The following FBXL17 variants were observed in gnomAD, a reference collection of about 807,000 sequenced individuals.
FBXL17 encodes the protein F-box/LRR-repeat protein 17.
In FBXL17, 22 loss-of-function variants were observed where a neutral mutation model predicts 66.2. The observed-to-expected ratio is 0.33, with a 90% CI of 0.24 to 0.47. The LOEUF is 0.47. FBXL17 is among the 20% of genes least tolerant of loss of function. FBXL17 has a pLI of 1.00. For synonymous variants in FBXL17, 474 were observed against 400.5 expected (o/e 1.18, Z -2.19); for missense variants, 878 against 948.2 (o/e 0.93, Z 0.97).
At chr5:107,924,240 C>T (rs1237316125) in intron 7 of FBXL17, among the ~76,000 whole-genome samples, 1 of 151,778 alleles carries the variant, frequency 6.6e-6, no homozygotes, top group African/African-American at 2.4e-5. Context: ...GCAGCCTTCA[C>T]CAAGAAATAC....
chr5:108,091,745 T>G (rs1235676267), intron 6 of FBXL17, among the ~76,000 whole-genome samples: 1 of 152,220 alleles, frequency 6.6e-6, no homozygotes, highest in Admixed American at 6.5e-5. Flanking sequence ...AATGAACTGC[T>G]GCTTACAGAA....
intron 6 of FBXL17, among the ~76,000 whole-genome samples, chr5:108,031,570 TGAC>T (rs1746643279): frequency 1.3e-5 from 2 of 152,144 alleles, no homozygotes; most frequent in African/African-American, 4.8e-5. Context: ...GGTGGAAGGC[TGAC>T]GTTTTAAGAA....
intron 6 of FBXL17, among the ~76,000 whole-genome samples, chr5:108,081,722 C>CAAAAAAAAAAAAAAAAAA (rs1442541401): frequency 6.6e-6 from 1 of 151,544 alleles, no homozygotes; most frequent in African/African-American, 2.4e-5. Context: ...GACTCTGTCT[C>CAAAAAAAAAAAAAAAAAA]AAAAAATAAA....
At chr5:108,052,785 G>C (rs1449355632) in intron 6 of FBXL17, among the ~76,000 whole-genome samples, 9 of 152,148 alleles carry the variant, frequency 5.9e-5, no homozygotes, top group Admixed American at 2.0e-4. Context: ...CATGCTACCT[G>C]AATTCAAACT....
At chr5:108,159,132 T>A (rs1752110081) in intron 6 of FBXL17, among the ~76,000 whole-genome samples, 1 of 152,160 alleles carries the variant, frequency 6.6e-6, no homozygotes, top group African/African-American at 2.4e-5. Flanking sequence ...ACCTTATTAC[T>A]ACAGACAGTT....
chr5:108,186,008 A>G (rs1753214781), intron 6 of FBXL17, 109 bp downstream of exon 6: 1 of 807,908 alleles, frequency 1.2e-6, no homozygotes, highest in Non-Finnish European at 1.9e-6. Context: ...ACAATTTGAA[A>G]AGGCACAGCT....
intron 7 of FBXL17, among the ~76,000 whole-genome samples, chr5:107,887,123 G>A (rs538206536): frequency 2.0e-5 from 3 of 152,286 alleles, no homozygotes; most frequent in African/African-American, 7.2e-5. Flanking sequence ...TGGTTGTAGA[G>A]GTTGTTAAAG....
At chr5:108,010,315 A>C (rs1754126704) in intron 7 of FBXL17, among the ~76,000 whole-genome samples, 1 of 152,326 alleles carries the variant, frequency 6.6e-6, no homozygotes, top group Non-Finnish European at 1.5e-5. Flanking sequence ...AAGTTGATGG[A>C]CTAGCTAAAA....
At chr5:108,085,655 C>G (rs759491836) in intron 6 of FBXL17, among the ~76,000 whole-genome samples, 4 of 152,172 alleles carry the variant, frequency 2.6e-5, no homozygotes, top group Non-Finnish European at 5.9e-5. Flanking sequence ...AACACTGGGG[C>G]TAGGTGTGGT....
In FBXL17 at chr5:108,213,448, G is replaced by A. The variant is rs140192914; in HGVS notation, c.1614+10673C>T. Among the ~76,000 whole-genome samples the A allele has an allele frequency of 4.9e-4, 74 of 152,324 alleles. 1 individual carries two copies. The East Asian group carries it at 9.3e-3, about 19-fold the overall frequency. Reference sequence around the variant, plus strand: ...GCATAGGCACCGCAGGGAATCTCCTGGTTTGCAGATTGCAAAGACCATGGG... The same window carrying A: ...GCATAGGCACCGCAGGGAATCTCCTAGTTTGCAGATTGCAAAGACCATGGG... On this transcript the variant is annotated intron_variant, in intron 5 of 8. Transcript: ENST00000542267.
chr5:108,137,075 T>C (rs1431459622), intron 6 of FBXL17, among the ~76,000 whole-genome samples: 4 of 152,324 alleles, frequency 2.6e-5, no homozygotes, highest in Non-Finnish European at 5.9e-5. Flanking sequence ...TATTAACTTA[T>C]AGTATTATCA....
At chr5:108,003,057 T>G (rs1753795311) in intron 7 of FBXL17, among the ~76,000 whole-genome samples, 1 of 152,214 alleles carries the variant, frequency 6.6e-6, no homozygotes, top group African/African-American at 2.4e-5. Flanking sequence ...TGTATAAAGC[T>G]GTTTAAACAA....
chr5:108,374,020 T>A (rs962209787), intron 1 of FBXL17, among the ~76,000 whole-genome samples: 1 of 152,060 alleles, frequency 6.6e-6, no homozygotes, highest in Non-Finnish European at 1.5e-5. Context: ...ATACACAGAT[T>A]GAGAGTAAAA....
At chr5:108,086,502 A>C (rs966111753) in intron 6 of FBXL17, among the ~76,000 whole-genome samples, 1 of 152,036 alleles carries the variant, frequency 6.6e-6, no homozygotes, top group African/African-American at 2.4e-5. Flanking sequence ...TAATTAAATA[A>C]ATTTGTTTTT....
At chr5:108,154,614 T>TAA (rs1268642771) in intron 6 of FBXL17, among the ~76,000 whole-genome samples, 1 of 98,292 alleles carries the variant, frequency 1.0e-5, no homozygotes, top group Non-Finnish European at 2.1e-5. Context: ...AAAATATATA[T>TAA]ATACACACAC....
At chr5:108,298,887 CT>C in intron 4 of FBXL17, 5 of 932,382 alleles carry the variant, frequency 5.4e-6, no homozygotes, top group Non-Finnish European at 6.4e-6. Flanking sequence ...TAAAATGAGC[CT>C]TTTTTCCATA....
Position 108,358,513 on chromosome 5 carries a change from C to T in FBXL17, c.1374+6225G>A, listed in dbSNP as rs1330104902. On this transcript the variant is annotated intron_variant, in intron 3 of 8. Transcript: ENST00000542267. The stretch of plus-strand genomic sequence containing the variant: ...GATTGATATTTGTATGTTGAGCCAC[C>T]CTTGTACTCCTTGGATAAATCATAG... Among the ~76,000 whole-genome samples the T allele has an allele frequency of 2.6e-5, 4 of 152,076 alleles. No homozygotes were observed. The East Asian group carries it at 7.7e-4, about 29-fold the overall frequency.
rs1402008387 is a variant in FBXL17 at position 107,860,219 on chromosome 5, G to C, written c.*1501C>G. ...AGCTAATGTCATGTTAGCAATGTGA[G>C]ACTTAAAGAAAGTGAAACTCAAACC... On this transcript the variant is annotated 3_prime_UTR_variant, in exon 9 of 9. Transcript: ENST00000542267. The C allele has an allele frequency of 1.3e-5, 2 of 152,602 alleles. No individual in the cohort carries two copies. Among genetic ancestry groups the C allele is most frequent in the African/African-American group, 4.8e-5 (2 of 41,458 alleles). The allele number at this position is 152,602 out of a possible 1,614,324, so 9.5% of individuals were successfully genotyped here. A position where few individuals can be genotyped will look rare whatever the true frequency, so the allele number is the denominator to read the frequency against.
intron 3 of FBXL17, among the ~76,000 whole-genome samples, chr5:108,351,293 G>A (rs559710613): frequency 3.9e-5 from 6 of 152,198 alleles, no homozygotes; most frequent in South Asian, 4.2e-4. Flanking sequence ...AAGTATAAGT[G>A]AGCTAAATCC....
Sources: gnomAD v4.1 joint callset for allele counts (sites outside exome capture counted in the v4.1 genomes callset) on GRCh38, gnomAD v4.1.1 for gene constraint, MANE v1.5 for transcripts, NCBI Gene and HGNC (gene_info 2026-07-23, HGNC 2026-07-21) for gene names.